Variants in DOK6 observed in about 807,000 individuals in gnomAD.
DOK6 encodes docking protein 6, also known as downstream of tyrosine kinase 6.
In DOK6, 22 loss-of-function variants were observed where a neutral mutation model predicts 44.0. The observed-to-expected ratio is 0.50, with a 90% confidence interval of 0.36 to 0.71. The LOEUF (loss-of-function observed/expected upper bound fraction) is 0.71. Ranked by LOEUF, DOK6 falls within the 30% of genes least tolerant of loss-of-function variation. The pLI, the probability that DOK6 is intolerant of heterozygous loss-of-function variation, is 0.00. For missense variants in DOK6, 340 were observed against 416.4 expected, an observed-to-expected ratio of 0.82 and a Z score of 1.60; for synonymous variants, 166 against 145.5, an observed-to-expected ratio of 1.14 and a Z score of -1.01.
intron 1 of DOK6, among the ~76,000 whole-genome samples, chr18:69,554,333 C>G (rs1320672567): frequency 6.6e-6 from 1 of 152,206 alleles, no homozygotes; most frequent in Non-Finnish European, 1.5e-5. Flanking sequence ...ATGGAAGCCA[C>G]TTTCTCACTC....
chr18:69,744,305 G>A (rs568037290), intron 6 of DOK6, among the ~76,000 whole-genome samples: 13 of 58,818 alleles, frequency 2.2e-4, no homozygotes, highest in Admixed American at 4.5e-4. Context: ...GCAGGACTCC[G>A]TATCAAAAAA....
At chr18:69,435,025 GGGAAGGAAGGAAGGAA>G (rs71176965) in intron 1 of DOK6, among the ~76,000 whole-genome samples, 4,786 of 71,972 alleles carry the variant, frequency 0.066, 136 homozygotes, top group Middle Eastern at 0.11. Context: ...TAGGGAGGGA[GGGAAGGAAGGAAGGAA>G]GGAAGGAAGG....
At chr18:69,634,078 A>T (rs1984750025) in intron 3 of DOK6, among the ~76,000 whole-genome samples, 1 of 152,082 alleles carries the variant, frequency 6.6e-6, no homozygotes. Context: ...AAAAAAAAAA[A>T]GTACAAAATG....
At chr18:69,664,165 T>G (rs1985598557) in intron 3 of DOK6, among the ~76,000 whole-genome samples, 1 of 152,214 alleles carries the variant, frequency 6.6e-6, no homozygotes, top group Admixed American at 6.5e-5. Flanking sequence ...CTTGTAGTTT[T>G]AAAAAGTAAC....
intron 3 of DOK6, among the ~76,000 whole-genome samples, chr18:69,638,456 G>T (rs1190869686): frequency 6.7e-6 from 1 of 149,974 alleles, no homozygotes; most frequent in Non-Finnish European, 1.5e-5. Context: ...GGAGGAACAA[G>T]TTTGTCAAAC....
At position 69,846,883 on chromosome 18, in the gene DOK6, ATAATACCT is replaced by A. The variant is rs1982356318; in HGVS notation, c.*5503_*5510del. ...ATTGGGGAAATGACTTTTTTACATTATAATACCTTATATATTAGGTTTTTCCTGATAAT... is the reference window on the plus strand; with the variant it reads ...ATTGGGGAAATGACTTTTTTACATTATATATATTAGGTTTTTCCTGATAAT... On this transcript the variant is annotated 3_prime_UTR_variant, in exon 8 of 8. Transcript: ENST00000382713. The A allele has an allele frequency of 6.6e-6, 1 of 152,180 alleles. No individual in the cohort carries two copies. Among genetic ancestry groups the A allele is most frequent in the Non-Finnish European group, 1.5e-5 (1 of 68,046 alleles). The allele number at this position is 152,180 out of a possible 1,614,324, so 9.4% of individuals were successfully genotyped here. A position where few individuals can be genotyped will look rare whatever the true frequency, so the allele number is the denominator to read the frequency against.
rs1038085124 is a variant in DOK6 at position 69,656,447 on chromosome 18, CAA to C, written c.290-21285_290-21284del. On this transcript the variant is annotated intron_variant, in intron 3 of 7. Coordinates refer to ENST00000382713, the MANE Select transcript of DOK6 (RefSeq NM_152721.6). ...ATGTTCTAGTCAGCGTGCTGTGTGA[CAA>C]AGAGTAAATTACTCCACCTCTCTGT... Among the ~76,000 whole-genome samples the C allele has an allele frequency of 7.2e-5, 11 of 152,256 alleles. No individual in the cohort carries two copies. In the South Asian group the frequency reaches 1.0e-3, roughly 14 times the overall value.
At chr18:69,678,295 A>G (rs1006674236) in intron 4 of DOK6, among the ~76,000 whole-genome samples, 1 of 152,120 alleles carries the variant, frequency 6.6e-6, no homozygotes, top group Non-Finnish European at 1.5e-5. Context: ...TTATTAAGGG[A>G]CTTTCCCACA....
intron 7 of DOK6, among the ~76,000 whole-genome samples, chr18:69,830,333 A>G (rs1033351811): frequency 6.6e-6 from 1 of 152,234 alleles, no homozygotes; most frequent in African/African-American, 2.4e-5. Context: ...ATACAACTGT[A>G]TTTAAAGATA....
chr18:69,824,789 G>A (rs745529807), intron 7 of DOK6, among the ~76,000 whole-genome samples: 27 of 152,300 alleles, frequency 1.8e-4, no homozygotes, highest in Non-Finnish European at 3.7e-4. Flanking sequence ...GATTGGTACC[G>A]CCCTGTCCTG....
At chr18:69,448,557 A>G (rs1206617164) in intron 1 of DOK6, among the ~76,000 whole-genome samples, 2 of 151,988 alleles carry the variant, frequency 1.3e-5, no homozygotes, top group African/African-American at 4.8e-5. Context: ...TATTTTTAGT[A>G]GAGACAGGGT....
intron 1 of DOK6, among the ~76,000 whole-genome samples, chr18:69,408,990 C>T (rs774002707): frequency 1.3e-5 from 2 of 152,050 alleles, no homozygotes; most frequent in Admixed American, 6.5e-5. Flanking sequence ...GTGTCCCCAC[C>T]GAAATCTCAT....
At chr18:69,795,187 C>T (rs1310327860) in intron 7 of DOK6, among the ~76,000 whole-genome samples, 6 of 151,948 alleles carry the variant, frequency 3.9e-5, no homozygotes, top group African/African-American at 9.7e-5. Context: ...TCTTGGAGTT[C>T]GGACACCTGG....
intron 2 of DOK6, among the ~76,000 whole-genome samples, chr18:69,566,770 A>C (rs1159455084): frequency 6.6e-6 from 1 of 152,238 alleles, no homozygotes; most frequent in Non-Finnish European, 1.5e-5. Context: ...AAGAAAGAGC[A>C]TTTTACCTAA....
intron 1 of DOK6, among the ~76,000 whole-genome samples, chr18:69,512,463 C>T (rs1190688025): frequency 6.6e-6 from 1 of 151,588 alleles, no homozygotes; most frequent in Non-Finnish European, 1.5e-5. Context: ...CCTACCTCAG[C>T]CTCCTGAATA....
At chr18:69,664,074 G>C (rs1985596552) in intron 3 of DOK6, among the ~76,000 whole-genome samples, 1 of 152,114 alleles carries the variant, frequency 6.6e-6, no homozygotes, top group Non-Finnish European at 1.5e-5. Flanking sequence ...AAAGCTAATA[G>C]AAAACAAAGG....
intron 7 of DOK6, among the ~76,000 whole-genome samples, chr18:69,771,195 C>A (rs1489768935): frequency 6.6e-6 from 1 of 151,924 alleles, no homozygotes; most frequent in African/African-American, 2.4e-5. Flanking sequence ...AAAATCATCA[C>A]TACCATATAT....
intron 1 of DOK6, among the ~76,000 whole-genome samples, chr18:69,491,593 C>T (rs1031349352): frequency 2.6e-5 from 4 of 152,254 alleles, no homozygotes; most frequent in African/African-American, 7.2e-5. Context: ...ATATGAGTCT[C>T]ATCATAAATT....
Position 69,844,454 on chromosome 18 carries a change from C to T in DOK6, c.*3071C>T, listed in dbSNP as rs1432523384. On this transcript the variant is annotated 3_prime_UTR_variant, in exon 8 of 8. Transcript: ENST00000382713. ...CGAGGGGACTTATTTTTTATGTTCC[C>T]AATTTTTTCTTCTGATAATATTAAT... is the stretch of plus-strand genomic sequence containing the variant. 1.3e-5 allele frequency: 2 copies of T among 151,846 alleles called. No individual in the cohort carries two copies. The highest frequency in any genetic ancestry group is 4.8e-5 in the African/African-American group (2 of 41,316). The allele number at this position is 151,846 out of a possible 1,614,324, so 9.4% of individuals were successfully genotyped here. A position where few individuals can be genotyped will look rare whatever the true frequency, so the allele number is the denominator to read the frequency against.
Sources: allele counts gnomAD v4.1 joint callset (sites outside exome capture counted in the v4.1 genomes callset), GRCh38; gene constraint gnomAD v4.1.1; transcripts MANE v1.5; gene names NCBI Gene and HGNC (gene_info 2026-07-23, HGNC 2026-07-21).